Variants in EXOSC7 observed in about 807,000 individuals in gnomAD.
EXOSC7 encodes exosome complex component RRP42.
A neutral mutation model predicts 34.3 loss-of-function variants in EXOSC7; 25 were observed. That is an observed-to-expected ratio of 0.73 (90% CI 0.53 to 1.02). The LOEUF is 1.02. Among genes scored for constraint, EXOSC7 ranks in the 50% least tolerant of loss-of-function variants. The pLI is 0.00. For synonymous variants in EXOSC7, 130 were observed against 143.0 expected (o/e 0.91, Z 0.65); for missense variants, 370 against 368.5 (o/e 1.00, Z -0.03).
intron 6 of EXOSC7, among the ~76,000 whole-genome samples, chr3:45,007,007 G>A (rs1386817236): frequency 2.6e-5 from 4 of 152,114 alleles, no homozygotes; most frequent in East Asian, 3.9e-4. Flanking sequence ...GGCATGAGCC[G>A]CTGCGCCCAG....
Position 45,010,559 on chromosome 3 carries a change from TTTTTG to T in EXOSC7, c.772-661_772-657del, listed in dbSNP as rs1402457780. Among the ~76,000 whole-genome samples the T allele has an allele frequency of 3.3e-5, 5 of 152,178 alleles. No individual in the cohort carries two copies. The East Asian group carries it at 5.8e-4, about 18-fold the overall frequency. On this transcript the variant is annotated intron_variant, in intron 7 of 7. Transcript: ENST00000265564. The stretch of plus-strand genomic sequence containing the variant: ...CCACTACTCCCAGCCATATTGAGTT[TTTTTG>T]TTTTGTTTTGTTTTTGTTTTTGTTT...
chr3:45,008,889 G>A (rs538867902), intron 7 of EXOSC7, among the ~76,000 whole-genome samples: 14 of 152,352 alleles, frequency 9.2e-5, no homozygotes, highest in African/African-American at 3.4e-4. Flanking sequence ...GGAGTTTATT[G>A]TGTGCGTACT....
intron 6 of EXOSC7, among the ~76,000 whole-genome samples, chr3:45,006,120 C>G (rs190888562): frequency 0.01 from 1,369 of 136,070 alleles, 12 homozygotes; most frequent in Non-Finnish European, 0.016. Flanking sequence ...CTGCAACGCC[C>G]AGGCTGGAGT....
At chr3:44,986,925 T>G (rs907956397) in intron 1 of EXOSC7, among the ~76,000 whole-genome samples, 1 of 152,190 alleles carries the variant, frequency 6.6e-6, no homozygotes, top group Non-Finnish European at 1.5e-5. Flanking sequence ...GAGCAGTGTT[T>G]TATTTTATTT....
rs376614154 is a variant in EXOSC7, at chr3:44,976,298, C to T, written c.21C>T (p.Ser7=). The T allele has an allele frequency of 6.4e-7, 1 of 1,561,284 alleles. No individual in the cohort carries two copies. The highest frequency in any genetic ancestry group is 8.6e-7 in the Non-Finnish European group (1 of 1,160,710). The change falls in exon 1 of 8, where the codon AGC becomes AGT. Residue 7 remains serine, a synonymous_variant. Coordinates refer to ENST00000265564, the MANE Select transcript of EXOSC7 (RefSeq NM_015004.4). The part of the protein sequence containing the change: MASVTL[S]EAEKVYIVHG... Reference sequence around the variant, plus strand: ...GCAGCATGGCGTCCGTGACGCTGAGCGAGGCGGAGAAGGTGTACATCGTGC... The same window carrying T: ...GCAGCATGGCGTCCGTGACGCTGAGTGAGGCGGAGAAGGTGTACATCGTGC...
At chr3:44,986,438 G>A (rs1030421402) in intron 1 of EXOSC7, among the ~76,000 whole-genome samples, 8 of 152,196 alleles carry the variant, frequency 5.3e-5, no homozygotes, top group South Asian at 2.1e-4. Context: ...GCGCTGGCCC[G>A]CAAGCACTGC....
rs1173873850 is a variant in EXOSC7 at position 44,997,136 on chromosome 3, G to A, written c.304G>A (p.Gly102Ser). ...TGAAGGTAGAGGAGGTGATGACCTT[G>A]GCACCGAGATCGCTAACACCCTCTA... The part of the protein sequence containing the change: ...EFEGRGGDDL[G>S]TEIANTLYRI... The change falls in exon 4 of 8, where the codon GGC (glycine) becomes AGC (serine). Residue 102 changes from glycine to serine, a missense_variant. Coordinates refer to ENST00000265564, the MANE Select transcript of EXOSC7 (RefSeq NM_015004.4). 3.7e-6 allele frequency: 6 copies of A among 1,613,762 alleles called. No individual in the cohort carries two copies. The highest frequency in any genetic ancestry group is 1.7e-5 in the Admixed American group (1 of 59,968).
At chr3:44,998,021 A>ATT (rs1422004823) in intron 4 of EXOSC7, among the ~76,000 whole-genome samples, 4 of 139,750 alleles carry the variant, frequency 2.9e-5, no homozygotes, top group African/African-American at 5.4e-5. Flanking sequence ...GCTCTAATTA[A>ATT]TTTTTTTTTG....
At chr3:44,987,113 G>C (rs1295646195) in intron 1 of EXOSC7, among the ~76,000 whole-genome samples, 1 of 149,442 alleles carries the variant, frequency 6.7e-6, no homozygotes, top group Non-Finnish European at 1.5e-5. Flanking sequence ...AAAAAAGTAA[G>C]AGTATCTATA....
chr3:44,993,422 A>G (rs1706624743), intron 3 of EXOSC7, among the ~76,000 whole-genome samples: 1 of 152,060 alleles, frequency 6.6e-6, no homozygotes, highest in Admixed American at 6.5e-5. Flanking sequence ...CCTGGACGTA[A>G]GACTTCATAG....
At chr3:44,996,466 C>T (rs1254214076) in intron 3 of EXOSC7, among the ~76,000 whole-genome samples, 1 of 152,186 alleles carries the variant, frequency 6.6e-6, no homozygotes, top group East Asian at 1.9e-4. Flanking sequence ...TAACCTACTA[C>T]TTACAAGCCA....
intron 1 of EXOSC7, among the ~76,000 whole-genome samples, chr3:44,987,720 G>T (rs1162428863): frequency 1.3e-5 from 2 of 152,248 alleles, no homozygotes; most frequent in South Asian, 2.1e-4. Context: ...AATACTGTGT[G>T]CTATTAGTAA....
intron 3 of EXOSC7, among the ~76,000 whole-genome samples, chr3:44,994,390 G>A (rs180859958): frequency 2.6e-4 from 39 of 151,114 alleles, no homozygotes; most frequent in South Asian, 1.7e-3. Context: ...TTTTAAGGTG[G>A]ACCTTAAATC....
At chr3:45,007,650 C>T (rs189623472) in intron 7 of EXOSC7, 75 bp downstream of exon 7, 1,190 of 1,423,548 alleles carry the variant, frequency 8.4e-4, no homozygotes, top group Middle Eastern at 8.4e-4. Flanking sequence ...TTGGTCATAC[C>T]GTGGGGATTC....
downstream of EXOSC7, among the ~76,000 whole-genome samples, chr3:45,011,784 G>C (rs918412004): frequency 4.6e-5 from 7 of 152,232 alleles, no homozygotes; most frequent in African/African-American, 1.4e-4. Flanking sequence ...TACACACCCA[G>C]GGCGTCTGTC....
chr3:45,001,994 A>G (rs1706895573), intron 5 of EXOSC7: 3 of 198,218 alleles, frequency 1.5e-5, no homozygotes, highest in Non-Finnish European at 3.1e-5. Flanking sequence ...TCCTAGCACC[A>G]TGAACAGTAC....
At chr3:44,996,666 G>A (rs1559747370) in intron 3 of EXOSC7, among the ~76,000 whole-genome samples, 1 of 152,194 alleles carries the variant, frequency 6.6e-6, no homozygotes, top group African/African-American at 2.4e-5. Flanking sequence ...TAGAGGTGGT[G>A]TATATGACAA....
chr3:44,982,485 A>G (rs1028502859), intron 1 of EXOSC7, among the ~76,000 whole-genome samples: 1 of 152,170 alleles, frequency 6.6e-6, no homozygotes. Context: ...GAACCCTACC[A>G]CAGGGCTCTT....
downstream of EXOSC7, chr3:45,012,169 G>A (rs1697301887): frequency 6.6e-6 from 1 of 150,822 alleles, no homozygotes. Context: ...AGCAGCCTTT[G>A]TTTTTTTTTC....
Sources: gnomAD v4.1 joint callset for allele counts (sites outside exome capture counted in the v4.1 genomes callset) on GRCh38, gnomAD v4.1.1 for gene constraint, MANE v1.5 for transcripts, NCBI Gene and HGNC (gene_info 2026-07-23, HGNC 2026-07-21) for gene names.